The following RNF216 variants were observed in gnomAD, a reference collection of about 807,000 sequenced individuals.
RNF216 encodes ring finger protein 216, also known as E3 ubiquitin-protein ligase RNF216.
Under a neutral mutation model 110.8 loss-of-function variants are expected in RNF216, and 72 were observed. That is an observed-to-expected ratio of 0.65 (90% CI 0.54 to 0.79). The LOEUF (loss-of-function observed/expected upper bound fraction) is 0.79, where lower values mean the gene tolerates loss of function less well. RNF216 is among the 30% of genes least tolerant of loss of function. The pLI is 0.00. For missense variants in RNF216, 1,342 were observed against 1,141.2 expected (o/e 1.18, Z -2.54); for synonymous variants, 495 against 407.5 (o/e 1.21, Z -2.59).
At chr7:5,688,135 G>A (rs1375003557) in intron 13 of RNF216, among the ~76,000 whole-genome samples, 1 of 152,226 alleles carries the variant, frequency 6.6e-6, no homozygotes, top group African/African-American at 2.4e-5. Context: ...ACAGTTGGCT[G>A]GTGGGGACAC....
At chr7:5,755,032 TAAAA>T (rs751586216) in intron 2 of RNF216, among the ~76,000 whole-genome samples, 2 of 60,548 alleles carry the variant, frequency 3.3e-5, no homozygotes, top group Non-Finnish European at 6.5e-5. Context: ...TATCTCAGGC[TAAAA>T]AAAAAAAAGG....
chr7:5,716,488 A>G (rs1394675872), intron 10 of RNF216, among the ~76,000 whole-genome samples: 1 of 152,102 alleles, frequency 6.6e-6, no homozygotes, highest in Non-Finnish European at 1.5e-5. Flanking sequence ...ATGTCAGGTA[A>G]TGATTTTTAA....
In RNF216 at chr7:5,711,763, T is replaced by C; in HGVS notation, c.2059A>G (p.Lys687Glu). The change falls in exon 13 of 17, where the codon AAG (lysine) becomes GAG (glutamate). Residue 687 changes from lysine to glutamate, a missense_variant and splice_region_variant. Transcript: ENST00000389902. ...RFSCPNPHCR[K>E]ETCRKCQGLW... ...TAGAAAAAAATGTGCCTCCCTACCT[T>C]TCGGCAGTGAGGATTAGGACAGCTG... 1 of 1,612,738 alleles carries C rather than the reference T, an allele frequency of 6.2e-7. No homozygotes were observed.
chr7:5,770,688 C>G (rs944513006), intron 1 of RNF216, among the ~76,000 whole-genome samples: 3 of 151,052 alleles, frequency 2.0e-5, no homozygotes, highest in Non-Finnish European at 4.4e-5. Flanking sequence ...TGGAGAAAAA[C>G]AAAAGGAGGA....
intron 13 of RNF216, among the ~76,000 whole-genome samples, chr7:5,670,655 C>T (rs1159826903): frequency 6.6e-5 from 10 of 152,132 alleles, no homozygotes; most frequent in South Asian, 6.2e-4. Flanking sequence ...TCTTCATGTC[C>T]GACAACCTAA....
At chr7:5,711,889 T>G in intron 12 of RNF216, 50 bp from the exon 13 acceptor site, 1 of 1,538,450 alleles carries the variant, frequency 6.5e-7, no homozygotes, top group Admixed American at 1.7e-5. Flanking sequence ...TAAAGCCTGA[T>G]CTGGTTCCAG....
chr7:5,759,187 G>T (rs117898897), intron 2 of RNF216, among the ~76,000 whole-genome samples: 2,919 of 152,220 alleles, frequency 0.019, 43 homozygotes, highest in Non-Finnish European at 0.03. Context: ...CTTCTGTCAT[G>T]ATTGTAAGTT....
chr7:5,727,989 G>A (rs569957012), intron 7 of RNF216, among the ~76,000 whole-genome samples: 1 of 151,642 alleles, frequency 6.6e-6, no homozygotes, highest in African/African-American at 2.4e-5. Context: ...AAACTTTCTA[G>A]TCCATTCAAC....
intron 5 of RNF216, among the ~76,000 whole-genome samples, chr7:5,733,522 C>T (rs11981059): frequency 0.16 from 24,187 of 152,078 alleles, 3,737 homozygotes; most frequent in African/African-American, 0.41. Flanking sequence ...TGAGGTTAAA[C>T]TGTTAAAAAA....
chr7:5,753,864 G>A (rs1290283369), intron 2 of RNF216, among the ~76,000 whole-genome samples: 3 of 152,150 alleles, frequency 2.0e-5, no homozygotes, highest in Admixed American at 6.5e-5. Flanking sequence ...GCGTGGTGGC[G>A]CATGCCTGTA....
chr7:5,735,194 A>C (rs1297159680), intron 5 of RNF216, among the ~76,000 whole-genome samples: 2 of 152,204 alleles, frequency 1.3e-5, no homozygotes, highest in Non-Finnish European at 2.9e-5. Context: ...AAAAACTTCA[A>C]GACAGGAGTC....
intron 6 of RNF216, 120 bp from the exon 7 acceptor site, chr7:5,729,716 G>A: frequency 1.2e-6 from 1 of 864,822 alleles, no homozygotes; most frequent in South Asian, 1.8e-5. Flanking sequence ...ACTCTATAAG[G>A]AAGTTACCAG....
In RNF216 at chr7:5,712,718, A is replaced by G; in HGVS notation, c.1979T>C (p.Val660Ala). ...EVAAAYADELVRCPSCSFPAL... is the reference protein window; with the variant it reads ...EVAAAYADELARCPSCSFPAL... ...CACGCTCTGCCTGAGAACGAACCTG[A>G]CAAGCTCGTCGGCGTAGGCTGCCGC... The change falls in exon 12 of 17, where the codon GTC (valine) becomes GCC (alanine). Residue 660 changes from valine to alanine, a missense_variant. Coordinates refer to ENST00000389902, the MANE Select transcript of RNF216 (RefSeq NM_207111.4). 1 of 1,614,084 alleles carries G rather than the reference A, an allele frequency of 6.2e-7. No individual in the cohort carries two copies. Among genetic ancestry groups the G allele is most frequent in the Non-Finnish European group, 8.5e-7 (1 of 1,179,980 alleles).
intron 14 of RNF216, among the ~76,000 whole-genome samples, chr7:5,651,443 G>T (rs1008373360): frequency 5.9e-5 from 9 of 151,894 alleles, no homozygotes; most frequent in Admixed American, 2.6e-4. Flanking sequence ...TATTGCCCAG[G>T]CTGGTCTCAA....
chr7:5,637,493 T>G (rs1194155584), intron 15 of RNF216, among the ~76,000 whole-genome samples: 1 of 152,212 alleles, frequency 6.6e-6, no homozygotes, highest in African/African-American at 2.4e-5. Context: ...AACACCTGGT[T>G]ACCACAGAGG....
intron 13 of RNF216, among the ~76,000 whole-genome samples, chr7:5,658,533 C>A (rs1284202838): frequency 6.7e-6 from 1 of 148,326 alleles, no homozygotes; most frequent in East Asian, 1.9e-4. Context: ...TGGTATGTGC[C>A]TGTAGTCTCA....
chr7:5,723,769 A>G (rs1324529952), intron 8 of RNF216, among the ~76,000 whole-genome samples: 1 of 152,214 alleles, frequency 6.6e-6, no homozygotes, highest in Non-Finnish European at 1.5e-5. Context: ...GAGTCAAGCA[A>G]TTATAGCCCA....
chr7:5,698,053 C>T (rs546534547), intron 13 of RNF216, among the ~76,000 whole-genome samples: 7 of 152,054 alleles, frequency 4.6e-5, no homozygotes, highest in African/African-American at 7.2e-5. Context: ...AAGCTTCTGA[C>T]GGGAAATAAA....
intron 13 of RNF216, among the ~76,000 whole-genome samples, chr7:5,672,576 C>G (rs972813577): frequency 6.6e-6 from 1 of 152,160 alleles, no homozygotes; most frequent in Non-Finnish European, 1.5e-5. Context: ...TTCCAGAATT[C>G]ATAAAACACA....
Sources: gnomAD v4.1 joint callset for allele counts (sites outside exome capture counted in the v4.1 genomes callset) on GRCh38, gnomAD v4.1.1 for gene constraint, MANE v1.5 for transcripts, NCBI Gene and HGNC (gene_info 2026-07-23, HGNC 2026-07-21) for gene names.